NCAPD2: variants seen among roughly 807,000 people sequenced by gnomAD.
The protein encoded by NCAPD2 is condensin complex subunit 1.
NCAPD2 carries 100 observed loss-of-function variants against 164.5 expected under a neutral mutation model. That is an observed-to-expected ratio of 0.61 (90% confidence interval 0.52 to 0.72). The LOEUF (loss-of-function observed/expected upper bound fraction) is 0.72. NCAPD2 is among the 30% of genes least tolerant of loss of function. The pLI is 0.00. For synonymous variants in NCAPD2, 585 were observed against 642.6 expected (o/e 0.91, Z 1.36); for missense variants, 1,560 against 1,749.2 (o/e 0.89, Z 1.93).
intron 16 of NCAPD2, 67 bp downstream of exon 16, chr12:6,523,069 T>C (rs1004784185): frequency 4.4e-5 from 69 of 1,570,752 alleles, no homozygotes; most frequent in Non-Finnish European, 5.9e-5. Flanking sequence ...TTCCCTTGTC[T>C]CCTAAAGGAA....
At chr12:6,524,862 G>C (rs1946301900) in intron 17 of NCAPD2, among the ~76,000 whole-genome samples, 2 of 152,118 alleles carry the variant, frequency 1.3e-5, no homozygotes, top group Admixed American at 1.3e-4. Context: ...GCTCCTGCCA[G>C]CCACATTTTT....
At position 6,510,060 on chromosome 12, in the gene NCAPD2, T is replaced by C. The variant is rs747234905; in HGVS notation, c.204-15T>C. Reference sequence around the variant, plus strand: ...CTCCTTCCTGTCTCACCCCCACACTTTCTTTCCCTCATAGTCACTTTCGAA... The same window carrying C: ...CTCCTTCCTGTCTCACCCCCACACTCTCTTTCCCTCATAGTCACTTTCGAA... On this transcript the variant is annotated splice_polypyrimidine_tract_variant and intron_variant, in intron 3 of 31. Transcript: ENST00000315579. 6.2e-7 allele frequency: 1 copy of C among 1,611,954 alleles called. No homozygotes were observed. Among genetic ancestry groups the C allele is most frequent in the Admixed American group, 1.7e-5 (1 of 59,988 alleles).
chr12:6,529,103 C>A, intron 27 of NCAPD2, 64 bp downstream of exon 27: 2 of 1,435,534 alleles, frequency 1.4e-6, no homozygotes, highest in Non-Finnish European at 9.8e-7. Flanking sequence ...TCAGACACAC[C>A]TGTATTTGAA....
At chr12:6,504,212 T>TATATATATATACATATATAC (rs1946075081) in intron 2 of NCAPD2, among the ~76,000 whole-genome samples, 1 of 21,730 alleles carries the variant, frequency 4.6e-5, no homozygotes, top group African/African-American at 3.3e-4. Context: ...TATATATATA[T>TATATATATATACATATATAC]ATATAGATAT....
chr12:6,526,655 C>T, intron 21 of NCAPD2, 40 bp downstream of exon 21: 1 of 1,598,462 alleles, frequency 6.3e-7, no homozygotes, highest in Non-Finnish European at 8.6e-7. Flanking sequence ...CAGCCAGCTT[C>T]TGTTCTCCCT....
rs942324884 is a variant in NCAPD2 at position 6,514,011 on chromosome 12, G to A, written c.588-254G>A. Among the ~76,000 whole-genome samples, 9 of 152,094 alleles carry A rather than the reference G, an allele frequency of 5.9e-5. No homozygotes were observed. In the South Asian group the frequency reaches 1.2e-3, roughly 21 times the overall value. On this transcript the variant is annotated intron_variant, in intron 6 of 31. Coordinates refer to ENST00000315579, the MANE Select transcript of NCAPD2 (RefSeq NM_014865.4). The stretch of plus-strand genomic sequence containing the variant: ...ATTACAGGCATGAGCCACCACACCC[G>A]GCCAACTCTATCATATTTTTATGAT...
intron 27 of NCAPD2, 122 bp from the exon 28 acceptor site, chr12:6,529,391 G>A (rs1592178839): frequency 1.1e-6 from 1 of 893,378 alleles, no homozygotes; most frequent in East Asian, 2.6e-5. Flanking sequence ...TGGTGAGGCA[G>A]ACAGGGGCCG....
chr12:6,514,709 T>C (rs1946183153), intron 8 of NCAPD2, 64 bp from the exon 9 acceptor site: 1 of 1,607,566 alleles, frequency 6.2e-7, no homozygotes, highest in Non-Finnish European at 8.5e-7. Context: ...CTGTCTTACC[T>C]TCCCTTACTG....
rs1946259674 is a variant in NCAPD2, at chr12:6,521,111, G to A, written c.1714+1G>A. 1.2e-6 allele frequency: 2 copies of A among 1,613,074 alleles called. No individual in the cohort carries two copies. Reference sequence around the variant, plus strand: ...AATATCTTAGGACTTATCTTCAAAGGTAATCATTTTCCTTCTTCAGTCAAT... The same window carrying A: ...AATATCTTAGGACTTATCTTCAAAGATAATCATTTTCCTTCTTCAGTCAAT... On this transcript the variant is annotated splice_donor_variant, in intron 14 of 31. Transcript: ENST00000315579. LOFTEE classifies it high-confidence loss of function.
At chr12:6,525,437 G>A (rs1365144318) in intron 17 of NCAPD2, 146 bp from the exon 18 acceptor site, 3 of 880,936 alleles carry the variant, frequency 3.4e-6, no homozygotes, top group Non-Finnish European at 5.1e-6. Context: ...AGACCCTGCT[G>A]TACATTTTGA....
chr12:6,528,428 A>G lies in NCAPD2; in HGVS notation c.3299+100A>G. On this transcript the variant is annotated intron_variant, in intron 25 of 31. Transcript: ENST00000315579. The surrounding 1 kb of genome is among the most constrained non-coding windows in gnomAD (Gnocchi z 5.1). The stretch of plus-strand genomic sequence containing the variant: ...CAGGGCTCTTCCCCTAGGCTTTGGC[A>G]TCACCGCGAACATCTGCTTGATACT... 4 of 1,505,244 alleles carry G rather than the reference A, an allele frequency of 2.7e-6. No homozygotes were observed. Among genetic ancestry groups the G allele is most frequent in the Admixed American group, 1.7e-5 (1 of 58,062 alleles). 93.2% of individuals were successfully genotyped at this position (1,505,244 alleles called of 1,614,324 possible).
rs1239697011 is a variant in NCAPD2, at chr12:6,530,771, C to T, written c.3918C>T (p.Gly1306=). 5 of 1,614,056 alleles carry T rather than the reference C, an allele frequency of 3.1e-6. No individual in the cohort carries two copies. The highest frequency in any genetic ancestry group is 1.3e-5 in the African/African-American group (1 of 74,920). ...GLDGIKELEI[G]QAGSQRAPSA... ...ATGGAATCAAGGAGCTTGAGATTGG[C>T]CAAGCAGGTAGCCAGAGAGCGCCAT... The change falls in exon 30 of 32, where the codon GGC becomes GGT. Residue 1306 remains glycine (G), a synonymous_variant. Coordinates refer to ENST00000315579, the MANE Select transcript of NCAPD2 (RefSeq NM_014865.4).
At chr12:6,495,290 C>T in intron 2 of NCAPD2, 65 bp downstream of exon 2, 2 of 1,573,570 alleles carry the variant, frequency 1.3e-6, no homozygotes, top group Non-Finnish European at 1.7e-6. Context: ...GGAATTGCTA[C>T]ATTGTCATTT....
intron 15 of NCAPD2, among the ~76,000 whole-genome samples, chr12:6,522,385 G>A (rs1343275610): frequency 6.6e-6 from 1 of 152,014 alleles, no homozygotes; most frequent in South Asian, 2.1e-4. Flanking sequence ...CCAGGAGTTC[G>A]AGAGCAGCCT....
chr12:6,521,710 A>G (rs1946264875), intron 14 of NCAPD2, 88 bp from the exon 15 acceptor site: 1 of 1,472,772 alleles, frequency 6.8e-7, no homozygotes, highest in Non-Finnish European at 9.2e-7. Context: ...AGGAAAATAA[A>G]TAAGTAAATA....
chr12:6,503,865 G>A (rs1205314048), intron 2 of NCAPD2, among the ~76,000 whole-genome samples: 1 of 151,266 alleles, frequency 6.6e-6, no homozygotes, highest in Non-Finnish European at 1.5e-5. Flanking sequence ...TGTAATCCCA[G>A]CTACTCGGGA....
chr12:6,502,717 G>A (rs1270088163), intron 2 of NCAPD2, among the ~76,000 whole-genome samples: 4 of 152,000 alleles, frequency 2.6e-5, no homozygotes, highest in Non-Finnish European at 5.9e-5. Flanking sequence ...AGAAGGCTGG[G>A]GCAGGAGGAT....
Position 6,511,502 on chromosome 12 carries a change from G to A in NCAPD2, c.587+250G>A, listed in dbSNP as rs754777107. 6.3e-4 allele frequency among the ~76,000 whole-genome samples: 95 copies of A among 151,902 alleles called. 1 individual carries two copies. The highest frequency in any genetic ancestry group is 2.0e-4 in the Admixed American group (3 of 15,246). ...TGCCCGCCACCACAAGCTGATTTTT[G>A]TATTTTTAATAGAGACGGGTTTTGC... On this transcript the variant is annotated intron_variant, in intron 6 of 31. Transcript: ENST00000315579.
At chr12:6,513,715 C>CTTTTTTGTTTTTTTTTT (rs1946171982) in intron 6 of NCAPD2, among the ~76,000 whole-genome samples, 1 of 74,894 alleles carries the variant, frequency 1.3e-5, no homozygotes, top group Non-Finnish European at 2.5e-5. Flanking sequence ...GTGACTTTGT[C>CTTTTTTGTTTTTTTTTT]TTTTTTTTTT....
Sources: gnomAD v4.1 joint callset for allele counts (sites outside exome capture counted in the v4.1 genomes callset) on GRCh38, gnomAD v4.1.1 for gene constraint, Gnocchi (gnomAD v3.1) non-coding constraint, MANE v1.5 for transcripts, NCBI Gene and HGNC (gene_info 2026-07-23, HGNC 2026-07-21) for gene names.